Variants in BAZ2A observed in about 807,000 individuals in gnomAD.
BAZ2A encodes the protein bromodomain adjacent to zinc finger domain 2A, also known as bromodomain adjacent to zinc finger domain protein 2A.
A neutral mutation model predicts 199.9 loss-of-function variants in BAZ2A; 34 were observed. That is an observed-to-expected ratio of 0.17 (90% CI 0.13 to 0.23). The LOEUF (loss-of-function observed/expected upper bound fraction) is 0.23, where lower values mean the gene tolerates loss of function less well. Ranked by LOEUF, BAZ2A falls within the 10% of genes least tolerant of loss-of-function variation. The pLI is 1.00. For synonymous variants in BAZ2A, 857 were observed against 883.9 expected (o/e 0.97, Z 0.54); for missense variants, 2,002 against 2,391.1 (o/e 0.84, Z 3.39).
intron 1 of BAZ2A, 68 bp downstream of exon 1, chr12:56,630,057 C>T: frequency 1.1e-6 from 1 of 925,252 alleles, no homozygotes; most frequent in Non-Finnish European, 1.3e-6. Context: ...CTTCTGTTCC[C>T]CGAGGGAAGC....
intron 1 of BAZ2A, among the ~76,000 whole-genome samples, chr12:56,629,118 T>C (rs1951206184): frequency 6.6e-6 from 1 of 151,234 alleles, no homozygotes; most frequent in Non-Finnish European, 1.5e-5. Flanking sequence ...TGAAACCAAA[T>C]CTGATTAAAA....
chr12:56,615,452 A>G lies in BAZ2A; in HGVS notation c.292T>C (p.Ser98Pro). 6.2e-7 allele frequency: 1 copy of G among 1,613,074 alleles called. No homozygotes were observed. Among genetic ancestry groups the G allele is most frequent in the Non-Finnish European group, 8.5e-7 (1 of 1,179,786 alleles). Residue 98 changes from serine to proline, a missense_variant, in exon 3 of 29, where the codon TCT becomes CCT. Around this residue, in one of 6 missense-constraint regions of BAZ2A, gnomAD observed 641 missense variants for 694.5 expected, o/e 0.92. Transcript: ENST00000549884. ...TTGAGGTTGCTGCCAGGATTGGCAGATGGGTACTGTGAGTAGTTCCAGAGA... is the reference window on the plus strand; with the variant it reads ...TTGAGGTTGCTGCCAGGATTGGCAGGTGGGTACTGTGAGTAGTTCCAGAGA... The part of the protein sequence containing the change: ...DCLWNYSQYP[S>P]ANPGSNLKDP...
rs1384687418 is a variant in BAZ2A at position 56,596,080 on chromosome 12, A to C, written c.*2538T>G. 2.6e-5 allele frequency: 4 copies of C among 152,714 alleles called. No individual in the cohort carries two copies. The highest frequency in any genetic ancestry group is 4.4e-5 in the Non-Finnish European group (3 of 68,056). 9.5% of individuals were successfully genotyped at this position (152,714 alleles called of 1,614,324 possible). On this transcript the variant is annotated 3_prime_UTR_variant, in exon 29 of 29. Transcript: ENST00000549884. Reference sequence around the variant, plus strand: ...ATTAAAAATGAGATTGGTCCTAAAAATATAGAAAGAAATAAATTTAAATTC... The same window carrying C: ...ATTAAAAATGAGATTGGTCCTAAAACTATAGAAAGAAATAAATTTAAATTC...
At chr12:56,599,595 C>T in intron 26 of BAZ2A, 107 bp downstream of exon 26, 2 of 1,500,454 alleles carry the variant, frequency 1.3e-6, no homozygotes, top group Non-Finnish European at 1.8e-6. Context: ...GGACTTAGAA[C>T]CCAGGTCCCC....
chr12:56,612,215 G>A lies in BAZ2A; in HGVS notation c.1167C>T (p.Asp389=), dbSNP rs751648796. 5.6e-6 allele frequency: 9 copies of A among 1,613,372 alleles called. No individual in the cohort carries two copies. Among genetic ancestry groups the A allele is most frequent in the South Asian group, 5.5e-5 (5 of 91,048 alleles). Residue 389 remains aspartate (D), a synonymous_variant, in exon 6 of 29, where the codon GAC becomes GAT. Transcript: ENST00000549884. ...DNSFDLNNGS[D]AEQEEMETQS... Reference sequence around the variant, plus strand: ...GAGTTTCCATTTCTTCCTGTTCAGCGTCACTACCATTATTCAGGTCAAAGC... The same window carrying A: ...GAGTTTCCATTTCTTCCTGTTCAGCATCACTACCATTATTCAGGTCAAAGC...
At chr12:56,619,618 A>G (rs1235890025) in intron 1 of BAZ2A, among the ~76,000 whole-genome samples, 2 of 152,190 alleles carry the variant, frequency 1.3e-5, no homozygotes, top group Non-Finnish European at 2.9e-5. Context: ...CACCATTAGT[A>G]TAAATGTGAA....
intron 1 of BAZ2A, among the ~76,000 whole-genome samples, chr12:56,626,954 G>C (rs1375679188): frequency 6.6e-6 from 1 of 152,214 alleles, no homozygotes; most frequent in African/African-American, 2.4e-5. Context: ...TGTTTTTACT[G>C]TTTCCAGAAT....
chr12:56,612,889 T>G, intron 5 of BAZ2A, 126 bp downstream of exon 5: 11 of 1,096,878 alleles, frequency 1.0e-5, no homozygotes, highest in Non-Finnish European at 1.2e-5. Flanking sequence ...CCCGAAGTGC[T>G]GAGATTACAG....
At chr12:56,603,108 A>T (rs188348957) in intron 18 of BAZ2A, among the ~76,000 whole-genome samples, 1 of 152,150 alleles carries the variant, frequency 6.6e-6, no homozygotes, top group East Asian at 1.9e-4. Context: ...ACATATGGAA[A>T]CTGTCTCTAC....
chr12:56,600,950 G>C lies in BAZ2A; in HGVS notation c.4443C>G (p.Pro1481=), dbSNP rs1384321859. 6.2e-7 allele frequency: 1 copy of C among 1,613,688 alleles called. No individual in the cohort carries two copies. The highest frequency in any genetic ancestry group is 8.5e-7 in the Non-Finnish European group (1 of 1,179,784). ...GTGTAGGAATGTATTTACCAGCTGA[G>C]GGCCGCAGGCAGACTTCCTGCAAGA... ...RDFLQEVCLR[P]SADPIFEPRQ... The change falls in exon 22 of 29, where the codon CCC becomes CCG. Residue 1481 remains proline (P), a synonymous_variant. Coordinates refer to ENST00000549884, the MANE Select transcript of BAZ2A (RefSeq NM_001300905.2).
chr12:56,617,260 C>CA (rs1950753283), intron 2 of BAZ2A, 135 bp downstream of exon 2: 2 of 1,109,222 alleles, frequency 1.8e-6, no homozygotes, highest in Non-Finnish European at 2.4e-6. Context: ...AAAAATGTTT[C>CA]CAAAAAACCC....
chr12:56,610,090 C>CAT (rs1950511191), intron 9 of BAZ2A, 24 bp downstream of exon 9: 1 of 1,611,088 alleles, frequency 6.2e-7, no homozygotes, highest in Admixed American at 1.7e-5. Context: ...GGGACAAAAG[C>CAT]ATATTTAACC....
rs532420171 is a variant in BAZ2A at position 56,626,042 on chromosome 12, G to A, written c.-3+4083C>T. ...AGCCAATGCTACTTTTACTGCTAGT[G>A]ACAGTATCTTCAAAGTATCAGATAT... On this transcript the variant is annotated intron_variant, in intron 1 of 28. Transcript: ENST00000549884. Among the ~76,000 whole-genome samples, 207 of 152,280 alleles carry A rather than the reference G, an allele frequency of 1.4e-3. 1 individual carries two copies. Among genetic ancestry groups the A allele is most frequent in the African/African-American group, 4.8e-3 (200 of 41,552 alleles).
At chr12:56,634,327 T>G (rs777648804), upstream of BAZ2A, among the ~76,000 whole-genome samples, 4 of 152,118 alleles carry the variant, frequency 2.6e-5, no homozygotes, top group Non-Finnish European at 4.4e-5. Context: ...TCCCAGGTTC[T>G]GGGGGAGGGG....
At position 56,600,070 on chromosome 12, in the gene BAZ2A, C is replaced by T. The variant is rs780106566; in HGVS notation, c.4919G>A (p.Arg1640His). 6.8e-6 allele frequency: 11 copies of T among 1,613,878 alleles called. No homozygotes were observed. Among genetic ancestry groups the T allele is most frequent in the Admixed American group, 5.0e-5 (3 of 60,008 alleles). ...CCGCTCGAGGGTCTGGCGCCAGACA[C>T]GAATGCGAGGGGTGATCTCATATGA... Reference protein sequence around the residue: ...EISYEITPRIRVWRQTLERCR... With the variant: ...EISYEITPRIHVWRQTLERCR... The change falls in exon 25 of 29, where the codon CGT becomes CAT. Residue 1640 changes from arginine to histidine, a missense_variant. Transcript: ENST00000549884.
chr12:56,601,176 T>C lies in BAZ2A; in HGVS notation c.4294+4A>G. On this transcript the variant is annotated splice_donor_region_variant and intron_variant, in intron 21 of 28. Coordinates refer to ENST00000549884, the MANE Select transcript of BAZ2A (RefSeq NM_001300905.2). ...CCGGATGCCCTCACTCCAAGGTCACTCACCAGGTGGGACAGGCTGGGCTGT... is the reference window on the plus strand; with the variant it reads ...CCGGATGCCCTCACTCCAAGGTCACCCACCAGGTGGGACAGGCTGGGCTGT... 1 of 1,614,048 alleles carries C rather than the reference T, an allele frequency of 6.2e-7. No individual in the cohort carries two copies. Among genetic ancestry groups the C allele is most frequent in the East Asian group, 2.2e-5 (1 of 44,882 alleles).
In BAZ2A at chr12:56,599,956, C is replaced by T. The variant is rs750460609; in HGVS notation, c.5025+8G>A. The T allele has an allele frequency of 6.2e-7, 1 of 1,613,954 alleles. No individual in the cohort carries two copies. Among genetic ancestry groups the T allele is most frequent in the East Asian group, 2.2e-5 (1 of 44,876 alleles). ...CCTCAGCCTCTCCAGGCTCTCTCAGCCTCTTACCACTTTGTTGACAGACTT... is the reference window on the plus strand; with the variant it reads ...CCTCAGCCTCTCCAGGCTCTCTCAGTCTCTTACCACTTTGTTGACAGACTT... On this transcript the variant is annotated splice_region_variant and intron_variant, in intron 25 of 28. Transcript: ENST00000549884.
In BAZ2A at chr12:56,598,572, G is replaced by T; in HGVS notation, c.*46C>A. The T allele has an allele frequency of 6.3e-7, 1 of 1,587,624 alleles. No homozygotes were observed. On this transcript the variant is annotated 3_prime_UTR_variant, in exon 29 of 29. Coordinates refer to ENST00000549884, the MANE Select transcript of BAZ2A (RefSeq NM_001300905.2). ...GGTGAAAATGGCAGGTTTTTGTTTGGAAGGTGGGGGGAGATGCCACAAGGT... is the reference window on the plus strand; with the variant it reads ...GGTGAAAATGGCAGGTTTTTGTTTGTAAGGTGGGGGGAGATGCCACAAGGT...
rs1405845021 is a variant in BAZ2A at position 56,603,595 on chromosome 12, G to C, written c.3144C>G (p.Thr1048=). The C allele has an allele frequency of 1.2e-5, 19 of 1,613,882 alleles. No homozygotes were observed. The Admixed American group carries it at 2.7e-4, about 23-fold the overall frequency. ...CTTCTTCCTCTTCTTCCATGCCACTGGTCTCCTCCATGATCCGAGAACTGC... is the reference window on the plus strand; with the variant it reads ...CTTCTTCCTCTTCTTCCATGCCACTCGTCTCCTCCATGATCCGAGAACTGC... ...RRRSSRIMEE[T]SGMEEEEEEE... is the part of the protein sequence containing the mutation. The change falls in exon 17 of 29, where the codon ACC becomes ACG. Residue 1048 remains threonine (T), a synonymous_variant. Coordinates refer to ENST00000549884, the MANE Select transcript of BAZ2A (RefSeq NM_001300905.2).
Sources: allele counts gnomAD v4.1 joint callset (sites outside exome capture counted in the v4.1 genomes callset), GRCh38; gene constraint gnomAD v4.1.1; regional missense constraint gnomAD v4.1.1; transcripts MANE v1.5; gene names NCBI Gene and HGNC (gene_info 2026-07-23, HGNC 2026-07-21).